Variants in MYO16 observed in about 807,000 individuals in gnomAD.
MYO16 encodes unconventional myosin-XVI.
In MYO16, 94 loss-of-function variants were observed where a neutral mutation model predicts 205.3. That is an observed-to-expected ratio of 0.46 (90% confidence interval 0.39 to 0.54). The LOEUF (loss-of-function observed/expected upper bound fraction) is 0.54, where lower values mean the gene tolerates loss of function less well. Among genes scored for constraint, MYO16 ranks in the 20% least tolerant of loss-of-function variants. The probability of loss-of-function intolerance (pLI) is 0.00; values close to 1 mark genes in which losing one functional copy is unlikely to be tolerated. For synonymous variants in MYO16, 988 were observed against 954.0 expected, an observed-to-expected ratio of 1.04 and a Z score of -0.66; for missense variants, 2,315 against 2,387.5, an observed-to-expected ratio of 0.97 and a Z score of 0.63.
intron 4 of MYO16, among the ~76,000 whole-genome samples, chr13:108,752,048 A>G: frequency 6.6e-6 from 1 of 152,184 alleles, no homozygotes; most frequent in East Asian, 1.9e-4. Context: ...TAATAGTTAT[A>G]CCATACTAAT....
At chr13:108,535,788 C>A in the MYO16 span, among the ~76,000 whole-genome samples, 1 of 152,150 alleles carries the variant, frequency 6.6e-6, no homozygotes, top group African/African-American at 2.4e-5. Flanking sequence ...TAGGCTAGAA[C>A]CATGCCTTGT....
rs113007743 is a variant in MYO16 at position 109,012,779 on chromosome 13, G to GTATATATA, written c.2595+3742_2595+3749dup. On this transcript the variant is annotated intron_variant, in intron 22 of 34. Transcript: ENST00000457511. ...TCAAATTGTTGTTATATGTGTGTGT[G>GTATATATA]TATATATATATATATATATGTATAT... is the stretch of plus-strand genomic sequence containing the variant. Among the ~76,000 whole-genome samples, 731 of 146,640 alleles carry GTATATATA rather than the reference G, an allele frequency of 5.0e-3. 8 individuals carry two copies. The highest frequency in any genetic ancestry group is 0.03 in the South Asian group (137 of 4,606).
intron 32 of MYO16, among the ~76,000 whole-genome samples, chr13:109,158,107 A>C (rs766241609): frequency 9.9e-5 from 15 of 152,060 alleles, no homozygotes; most frequent in Non-Finnish European, 2.1e-4. Context: ...TTTCTTCTTC[A>C]TTCAGCTCTC....
Position 109,165,017 on chromosome 13 carries a change from T to G in MYO16, c.5281T>G (p.Ser1761Ala), listed in dbSNP as rs947627699. 1.2e-6 allele frequency: 2 copies of G among 1,601,036 alleles called. No individual in the cohort carries two copies. The highest frequency in any genetic ancestry group is 2.3e-5 in the South Asian group (2 of 88,322). ...NHGIQLSNSL[S>A]SAITAENGNS... ...TGGAATTCAGTTATCTAATTCACTA[T>G]CTAGTGCTATAACTGCTGAAAATGG... is the stretch of plus-strand genomic sequence containing the variant. The change falls in exon 33 of 35, where the codon TCT (serine) becomes GCT (alanine). Residue 1761 changes from serine to alanine, a missense_variant. By Grantham distance (99) the Ser-to-Ala change is moderately conservative (BLOSUM62 1). This residue lies in a region of MYO16 where 1,097 missense variants were observed against 1,092.0 expected (regional missense o/e 1.00). Coordinates refer to ENST00000457511, the MANE Select transcript of MYO16 (RefSeq NM_001198950.3).
At position 108,883,276 on chromosome 13, in the gene MYO16, T is replaced by G. The variant is rs150870734; in HGVS notation, c.1553+90T>G. 371 of 1,475,414 alleles carry G rather than the reference T, an allele frequency of 2.5e-4. 1 individual carries two copies. The African/African-American group carries it at 4.7e-3, about 19-fold the overall frequency. The allele number at this position is 1,475,414 out of a possible 1,614,324, so 91.4% of individuals were successfully genotyped here. On this transcript the variant is annotated intron_variant, in intron 13 of 34. Transcript: ENST00000457511. Reference sequence around the variant, plus strand: ...ACTCATTTCCTATGGTTTACCTTTATTTACTTTCTCAGCACCTTGAGGTCC... The same window carrying G: ...ACTCATTTCCTATGGTTTACCTTTAGTTACTTTCTCAGCACCTTGAGGTCC...
intron 2 of MYO16, among the ~76,000 whole-genome samples, chr13:108,678,300 T>A (rs1594202110): frequency 6.6e-6 from 1 of 152,354 alleles, no homozygotes; most frequent in Middle Eastern, 3.4e-3. Flanking sequence ...CCAGTGCCTC[T>A]GACCTTCTCA....
At chr13:108,961,476 A>C in intron 17 of MYO16, 63 bp from the exon 18 acceptor site, 1 of 1,332,536 alleles carries the variant, frequency 7.5e-7, no homozygotes, top group African/African-American at 1.5e-5. Context: ...ATATTTAAAA[A>C]TTTTGCCTTT....
chr13:108,703,897 A>C (rs923624357), intron 2 of MYO16, among the ~76,000 whole-genome samples: 4 of 152,142 alleles, frequency 2.6e-5, no homozygotes. Context: ...GCATTTAAGG[A>C]GGCCAATAAG....
the MYO16 span, among the ~76,000 whole-genome samples, chr13:108,564,177 T>C: frequency 2.0e-5 from 3 of 150,146 alleles, no homozygotes; most frequent in South Asian, 4.2e-4. Flanking sequence ...GCCTTCTTTT[T>C]TTTTTTTTTT....
At chr13:108,901,185 G>A (rs1036364416) in intron 15 of MYO16, among the ~76,000 whole-genome samples, 16 of 152,108 alleles carry the variant, frequency 1.1e-4, no homozygotes, top group Non-Finnish European at 2.4e-4. Flanking sequence ...CAGTCCTGTG[G>A]TCCTGTGATC....
chr13:108,906,251 C>T lies in MYO16; in HGVS notation c.1778-3752C>T, dbSNP rs184832994. 2.6e-4 allele frequency among the ~76,000 whole-genome samples: 39 copies of T among 152,184 alleles called. 2 individuals carry two copies. In the East Asian group the frequency reaches 7.5e-3, roughly 29 times the overall value. ...TGTCCAGAGTCCCCCTGAGGAATGT[C>T]GAGAATACTTGCCTTTTGATGTTTG... On this transcript the variant is annotated intron_variant, in intron 15 of 34. Coordinates refer to ENST00000457511, the MANE Select transcript of MYO16 (RefSeq NM_001198950.3).
At chr13:108,585,566 G>C in the MYO16 span, among the ~76,000 whole-genome samples, 1 of 152,182 alleles carries the variant, frequency 6.6e-6, no homozygotes, top group Non-Finnish European at 1.5e-5. Flanking sequence ...TGGAAAGAAA[G>C]GAAGGAAAAC....
the MYO16 span, among the ~76,000 whole-genome samples, chr13:108,516,442 C>T: frequency 6.6e-6 from 1 of 152,134 alleles, no homozygotes; most frequent in Non-Finnish European, 1.5e-5. Flanking sequence ...TCTTCTGCGT[C>T]GCTCACGCTG....
At chr13:109,190,254 T>C (rs968638858) in intron 34 of MYO16, among the ~76,000 whole-genome samples, 16 of 152,314 alleles carry the variant, frequency 1.1e-4, no homozygotes, top group African/African-American at 3.6e-4. Flanking sequence ...CTGGACTTTG[T>C]TTTTGAGAAT....
At chr13:108,575,510 A>C in the MYO16 span, among the ~76,000 whole-genome samples, 1 of 152,220 alleles carries the variant, frequency 6.6e-6, no homozygotes, top group Non-Finnish European at 1.5e-5. Context: ...AAATACAACA[A>C]GCTCTCAGTC....
At chr13:108,719,498 CTCAGCTTTCTGCCTGCGTCAT>C (rs1381750627) in intron 3 of MYO16, among the ~76,000 whole-genome samples, 2 of 152,080 alleles carry the variant, frequency 1.3e-5, no homozygotes, top group Non-Finnish European at 2.9e-5. Context: ...ACGGTCCCAT[CTCAGCTTTCTGCCTGCGTCAT>C]CCCCCAGTTG....
chr13:109,138,858 G>A (rs773725590), intron 31 of MYO16, among the ~76,000 whole-genome samples: 26 of 151,810 alleles, frequency 1.7e-4, no homozygotes, highest in South Asian at 8.3e-4. Context: ...TCACTCTGTC[G>A]CCAGGCTGGA....
intron 16 of MYO16, among the ~76,000 whole-genome samples, chr13:108,928,924 T>C (rs1882130940): frequency 6.6e-6 from 1 of 152,190 alleles, no homozygotes; most frequent in African/African-American, 2.4e-5. Flanking sequence ...AATCAGAAAT[T>C]GTACAGGGCA....
intron 16 of MYO16, among the ~76,000 whole-genome samples, chr13:108,952,369 G>A (rs1231181666): frequency 6.6e-6 from 1 of 152,068 alleles, no homozygotes; most frequent in African/African-American, 2.4e-5. Flanking sequence ...GGGCTCAGGG[G>A]CAAGACGGGG....
Sources: gnomAD v4.1 joint callset for allele counts (sites outside exome capture counted in the v4.1 genomes callset) on GRCh38, gnomAD v4.1.1 for gene constraint, gnomAD v4.1.1 regional missense constraint, MANE v1.5 for transcripts, NCBI Gene and HGNC (gene_info 2026-07-23, HGNC 2026-07-21) for gene names.